PCMTD1: variants seen among roughly 807,000 people sequenced by gnomAD.
The protein encoded by PCMTD1 is protein-L-isoaspartate (D-aspartate) O-methyltransferase domain containing 1, also known as protein-L-isoaspartate O-methyltransferase domain-containing protein 1.
In PCMTD1, 12 loss-of-function variants were observed where a neutral mutation model predicts 37.6. The ratio of observed to expected loss-of-function variants is 0.32; its 90% CI spans 0.20 to 0.52. PCMTD1 has a LOEUF of 0.52. Ranked by LOEUF, PCMTD1 falls within the 20% of genes least tolerant of loss-of-function variation. PCMTD1 has a pLI of 0.97. For synonymous variants in PCMTD1, 117 were observed against 135.8 expected (o/e 0.86, Z 0.96); for missense variants, 235 against 421.3 (o/e 0.56, Z 3.87).
chr8:51,823,165 A>T (rs936096120), intron 5 of PCMTD1, among the ~76,000 whole-genome samples: 1 of 152,182 alleles, frequency 6.6e-6, no homozygotes, highest in Non-Finnish European at 1.5e-5. Context: ...TGTGAGCTTC[A>T]TTTAAAAGTT....
In PCMTD1 at chr8:51,894,286, A is replaced by G. The variant is rs978189530; in HGVS notation, c.-96+4644T>C. On this transcript the variant is annotated intron_variant, in intron 1 of 5. Coordinates refer to ENST00000522514, the MANE Select transcript of PCMTD1 (RefSeq NM_052937.4). ...GCTGGGACAGAAAGAATGTAACTTA[A>G]TATTTTAAACTAAAACAAGAAATAA... 6.6e-5 allele frequency among the ~76,000 whole-genome samples: 10 copies of G among 152,350 alleles called. No homozygotes were observed. The South Asian group carries it at 8.3e-4, about 13-fold the overall frequency.
intron 2 of PCMTD1, among the ~76,000 whole-genome samples, chr8:51,855,703 C>T (rs760215232): frequency 1.3e-5 from 2 of 151,746 alleles, no homozygotes; most frequent in Admixed American, 6.6e-5. Flanking sequence ...CTCGCCCTGT[C>T]GCCCAGGCTG....
chr8:51,836,329 A>C (rs959657496), intron 3 of PCMTD1, among the ~76,000 whole-genome samples: 2 of 152,226 alleles, frequency 1.3e-5, no homozygotes, highest in African/African-American at 4.8e-5. Context: ...TTTTTAGAAC[A>C]ATGTAAAATA....
At chr8:51,848,528 G>T (rs2038256959) in intron 2 of PCMTD1, among the ~76,000 whole-genome samples, 1 of 152,126 alleles carries the variant, frequency 6.6e-6, no homozygotes, top group Admixed American at 6.5e-5. Context: ...GAATTTCAAA[G>T]TTCTAGGCTC....
intron 2 of PCMTD1, among the ~76,000 whole-genome samples, chr8:51,853,508 T>TCA (rs1439146326): frequency 2.6e-5 from 4 of 152,170 alleles, no homozygotes; most frequent in African/African-American, 7.2e-5. Flanking sequence ...TAACACGCAG[T>TCA]CAATTGTCAT....
In PCMTD1 at chr8:51,883,794, G is replaced by A. The variant is rs1476670281; in HGVS notation, c.-96+15136C>T. ...AAATGAGGCCAAGTAAAAATCAGTC[G>A]TATTATGTTGTTGACATTTAAAAAC... On this transcript the variant is annotated intron_variant, in intron 1 of 5. Coordinates refer to ENST00000522514, the MANE Select transcript of PCMTD1 (RefSeq NM_052937.4). Among the ~76,000 whole-genome samples, 7 of 152,262 alleles carry A rather than the reference G, an allele frequency of 4.6e-5. No individual in the cohort carries two copies. In the East Asian group the frequency reaches 9.6e-4, roughly 21 times the overall value.
intron 1 of PCMTD1, among the ~76,000 whole-genome samples, chr8:51,878,182 G>C (rs2038739658): frequency 6.6e-6 from 1 of 151,908 alleles, no homozygotes; most frequent in South Asian, 2.1e-4. Flanking sequence ...TGCAGCCCAG[G>C]ATGGCTTTGA....
intron 1 of PCMTD1, among the ~76,000 whole-genome samples, chr8:51,891,431 T>G (rs974213419): frequency 2.0e-5 from 3 of 151,916 alleles, no homozygotes; most frequent in Non-Finnish European, 4.4e-5. Flanking sequence ...TCGTGGCACA[T>G]GCCTGTAATC....
intron 5 of PCMTD1, among the ~76,000 whole-genome samples, chr8:51,824,297 C>T (rs892886546): frequency 4.6e-4 from 70 of 152,204 alleles, no homozygotes; most frequent in African/African-American, 1.6e-3. Context: ...TTTAGAAAAC[C>T]CCATCGTCTC....
intron 2 of PCMTD1, chr8:51,849,013 T>C (rs1035681248): frequency 1.3e-5 from 2 of 152,162 alleles, no homozygotes; most frequent in East Asian, 3.8e-4. Flanking sequence ...GCATTAAGTG[T>C]ATAAAAATGT....
At chr8:51,824,678 G>A (rs10094353) in intron 5 of PCMTD1, among the ~76,000 whole-genome samples, 2 of 152,082 alleles carry the variant, frequency 1.3e-5, no homozygotes, top group African/African-American at 4.8e-5. Context: ...ACTTTCTTCA[G>A]AGAACTGGAA....
intron 5 of PCMTD1, among the ~76,000 whole-genome samples, chr8:51,830,608 C>T (rs898468497): frequency 2.0e-5 from 3 of 152,146 alleles, no homozygotes; most frequent in Admixed American, 6.5e-5. Flanking sequence ...GGCCTGCCTG[C>T]CTTTTTTTCC....
intron 5 of PCMTD1, among the ~76,000 whole-genome samples, chr8:51,827,563 T>A (rs1396914374): frequency 6.6e-6 from 1 of 152,084 alleles, no homozygotes; most frequent in Non-Finnish European, 1.5e-5. Flanking sequence ...AAACACATAA[T>A]ATATATACAG....
chr8:51,878,250 G>GTTTTTTTTTTTTTTTTTT (rs375362623), intron 1 of PCMTD1, among the ~76,000 whole-genome samples: 3 of 139,166 alleles, frequency 2.2e-5, no homozygotes, highest in Non-Finnish European at 4.6e-5. Context: ...TTTTTTTTTG[G>GTTTTTTTTTTTTTTTTTT]TTTTTTTTTT....
intron 2 of PCMTD1, among the ~76,000 whole-genome samples, chr8:51,852,685 CAAAGTATGCCTTTTG>C (rs1453591040): frequency 6.6e-6 from 1 of 152,120 alleles, no homozygotes; most frequent in Non-Finnish European, 1.5e-5. Context: ...GAAAATATTT[CAAAGTATGCCTTTTG>C]ATACTTTTGA....
rs548325616 is a variant in PCMTD1, at chr8:51,821,545, G to T, written c.707-827C>A. 1.3e-4 allele frequency among the ~76,000 whole-genome samples: 20 copies of T among 152,232 alleles called. No individual in the cohort carries two copies. In the South Asian group the frequency reaches 4.1e-3, roughly 32 times the overall value. On this transcript the variant is annotated intron_variant, in intron 5 of 5. Transcript: ENST00000522514. ...ATCAAGTAAGTATTAACCTATATCT[G>T]CCAGGCACTGTTAAAGAACCCATGC...
At chr8:51,865,973 T>G (rs531899728) in intron 1 of PCMTD1, among the ~76,000 whole-genome samples, 11 of 151,660 alleles carry the variant, frequency 7.3e-5, no homozygotes, top group Non-Finnish European at 1.2e-4. Flanking sequence ...AGTTGCAGGG[T>G]ACAAAATCAA....
intron 1 of PCMTD1, among the ~76,000 whole-genome samples, chr8:51,889,932 T>G (rs1450403132): frequency 6.6e-6 from 1 of 151,690 alleles, no homozygotes. Context: ...TGAATTAATT[T>G]TATTGTGCTG....
rs1175558450 is a variant in PCMTD1 at position 51,820,033 on chromosome 8, T to G, written c.*318A>C. The G allele has an allele frequency of 1.1e-5, 2 of 175,098 alleles. No individual in the cohort carries two copies. Among genetic ancestry groups the G allele is most frequent in the Non-Finnish European group, 2.4e-5 (2 of 83,744 alleles). 10.8% of individuals were successfully genotyped at this position (175,098 alleles called of 1,614,324 possible). A position where few individuals can be genotyped will look rare whatever the true frequency, so the allele number is the denominator to read the frequency against. ...TTTAAACCATATATAAAATTAAATCTAAACCTCATCACTACAAATCTGTAA... is the reference window on the plus strand; with the variant it reads ...TTTAAACCATATATAAAATTAAATCGAAACCTCATCACTACAAATCTGTAA... On this transcript the variant is annotated 3_prime_UTR_variant, in exon 6 of 6. Transcript: ENST00000522514.
Sources: gnomAD v4.1 joint callset for allele counts (sites outside exome capture counted in the v4.1 genomes callset) on GRCh38, gnomAD v4.1.1 for gene constraint, MANE v1.5 for transcripts, NCBI Gene and HGNC (gene_info 2026-07-23, HGNC 2026-07-21) for gene names.